The following MRPS9 variants were observed in gnomAD, a reference collection of about 807,000 sequenced individuals.
MRPS9 encodes the protein small ribosomal subunit protein uS9m.
MRPS9 carries 45 observed loss-of-function variants against 59.9 expected under a neutral mutation model. The ratio of observed to expected loss-of-function variants is 0.75; its 90% CI spans 0.59 to 0.96. The LOEUF (loss-of-function observed/expected upper bound fraction) is 0.96. MRPS9 is among the 40% of genes least tolerant of loss of function. MRPS9 has a pLI of 0.00. For missense variants in MRPS9, 473 were observed against 481.1 expected, an observed-to-expected ratio of 0.98 and a Z score of 0.16; for synonymous variants, 171 against 166.8, an observed-to-expected ratio of 1.03 and a Z score of -0.19.
chr2:105,064,663 TTC>T (rs911465385), intron 2 of MRPS9, among the ~76,000 whole-genome samples: 2 of 152,110 alleles, frequency 1.3e-5, no homozygotes, highest in African/African-American at 4.8e-5. Flanking sequence ...AAGAGGCTCG[TTC>T]TCTGTTTGAC....
chr2:105,038,090 A>G lies in MRPS9; in HGVS notation c.-3A>G. On this transcript the variant is annotated 5_prime_UTR_variant, in exon 1 of 11. Transcript: ENST00000258455. The stretch of plus-strand genomic sequence containing the variant: ...CTCCGGTCCTGGAGCTCCCACAGCT[A>G]ACATGGCGGCGCCCTGTGTGTCCTA... 1 of 1,613,586 alleles carries G rather than the reference A, an allele frequency of 6.2e-7. No homozygotes were observed. Among genetic ancestry groups the G allele is most frequent in the Non-Finnish European group, 8.5e-7 (1 of 1,179,930 alleles).
At chr2:105,049,599 TA>T (rs1679672608) in intron 2 of MRPS9, among the ~76,000 whole-genome samples, 1 of 152,220 alleles carries the variant, frequency 6.6e-6, no homozygotes, top group African/African-American at 2.4e-5. Context: ...GGGAAATGTT[TA>T]ACCTGTTGTG....
chr2:105,094,345 C>G (rs1210373611), intron 9 of MRPS9, among the ~76,000 whole-genome samples: 3 of 152,146 alleles, frequency 2.0e-5, no homozygotes, highest in Non-Finnish European at 4.4e-5. Context: ...ATATACTCAT[C>G]TCAGAACTCT....
chr2:105,045,283 A>T (rs1558749738), intron 1 of MRPS9, among the ~76,000 whole-genome samples: 1 of 151,758 alleles, frequency 6.6e-6, no homozygotes, highest in African/African-American at 2.4e-5. Context: ...AAATGAGAGC[A>T]AGCTGTATAT....
At chr2:105,067,570 T>C (rs2104452264) in intron 2 of MRPS9, among the ~76,000 whole-genome samples, 1 of 152,306 alleles carries the variant, frequency 6.6e-6, no homozygotes, top group Non-Finnish European at 1.5e-5. Context: ...TTCCATTCTT[T>C]AGTAACCTTT....
At chr2:105,065,058 G>A (rs1235863968) in intron 2 of MRPS9, among the ~76,000 whole-genome samples, 1 of 152,186 alleles carries the variant, frequency 6.6e-6, no homozygotes, top group Non-Finnish European at 1.5e-5. Flanking sequence ...TCCACTGATA[G>A]AATGAGGTCA....
rs1680752266 is a variant in MRPS9, at chr2:105,099,798, A to G, written c.*37A>G. ...CAGGAAAGGAGAGGAAGAGCTATAT[A>G]TATGTGCCGACATGTGGCAGACACA... On this transcript the variant is annotated 3_prime_UTR_variant, in exon 11 of 11. Coordinates refer to ENST00000258455, the MANE Select transcript of MRPS9 (RefSeq NM_182640.3). 2 of 1,594,916 alleles carry G rather than the reference A, an allele frequency of 1.3e-6. No homozygotes were observed. Among genetic ancestry groups the G allele is most frequent in the Non-Finnish European group, 1.7e-6 (2 of 1,163,256 alleles).
In MRPS9 at chr2:105,099,664, C is replaced by T. The variant is rs1307103725; in HGVS notation, c.1100-6C>T. 2 of 1,613,146 alleles carry T rather than the reference C, an allele frequency of 1.2e-6. No homozygotes were observed. Among genetic ancestry groups the T allele is most frequent in the Middle Eastern group, 1.7e-4 (1 of 6,042 alleles). On this transcript the variant is annotated splice_region_variant and splice_polypyrimidine_tract_variant and intron_variant, in intron 10 of 10. Coordinates refer to ENST00000258455, the MANE Select transcript of MRPS9 (RefSeq NM_182640.3). ...GTTCCTAAAGGCTTCTCTTTTTATGCTGCAGCTGGACTACTTACTACTGAT... is the reference window on the plus strand; with the variant it reads ...GTTCCTAAAGGCTTCTCTTTTTATGTTGCAGCTGGACTACTTACTACTGAT...
chr2:105,038,879 G>A (rs1201680349), intron 1 of MRPS9, among the ~76,000 whole-genome samples: 6 of 152,176 alleles, frequency 3.9e-5, no homozygotes, highest in Non-Finnish European at 8.8e-5. Context: ...ATGGGATTAT[G>A]TTTTTAGGCA....
At chr2:105,069,307 C>G (rs1384802621) in intron 2 of MRPS9, among the ~76,000 whole-genome samples, 1 of 151,498 alleles carries the variant, frequency 6.6e-6, no homozygotes, top group East Asian at 1.9e-4. Flanking sequence ...CTCCGCCTTC[C>G]AGGTTCAAAC....
At chr2:105,052,570 T>C (rs1248235343) in intron 2 of MRPS9, among the ~76,000 whole-genome samples, 2 of 152,184 alleles carry the variant, frequency 1.3e-5, no homozygotes, top group Non-Finnish European at 2.9e-5. Context: ...CTAATTGATA[T>C]TGGTCTGTAG....
At position 105,097,141 on chromosome 2, in the gene MRPS9, G is replaced by T; in HGVS notation, c.930-14G>T. On this transcript the variant is annotated splice_polypyrimidine_tract_variant and intron_variant, in intron 9 of 10. Coordinates refer to ENST00000258455, the MANE Select transcript of MRPS9 (RefSeq NM_182640.3). ...ATAGTAAACGTAACCACATTTACTTGTGCTGTGCTTTAGAGAACAGCTGAT... is the reference window on the plus strand; with the variant it reads ...ATAGTAAACGTAACCACATTTACTTTTGCTGTGCTTTAGAGAACAGCTGAT... 6.6e-7 allele frequency: 1 copy of T among 1,507,154 alleles called. No homozygotes were observed. Among genetic ancestry groups the T allele is most frequent in the Non-Finnish European group, 8.9e-7 (1 of 1,124,868 alleles). The allele number at this position is 1,507,154 out of a possible 1,614,324, so 93.4% of individuals were successfully genotyped here. A position where few individuals can be genotyped will look rare whatever the true frequency, so the allele number is the denominator to read the frequency against.
chr2:105,038,331 T>C (rs1679429692), intron 1 of MRPS9, 104 bp downstream of exon 1: 1 of 1,445,314 alleles, frequency 6.9e-7, no homozygotes, highest in Non-Finnish European at 9.4e-7. Flanking sequence ...AGGCAGGGAC[T>C]CTAGGATCTT....
intron 10 of MRPS9, chr2:105,098,540 TAAC>T (rs1328025497): frequency 6.6e-6 from 1 of 152,240 alleles, no homozygotes; most frequent in Non-Finnish European, 1.5e-5. Flanking sequence ...GCTAGAATCT[TAAC>T]AATTTGATGA....
chr2:105,082,486 T>C (rs1680366863), intron 5 of MRPS9, among the ~76,000 whole-genome samples: 1 of 152,196 alleles, frequency 6.6e-6, no homozygotes, highest in Non-Finnish European at 1.5e-5. Flanking sequence ...GAAGCGTATA[T>C]ATTACGTTAT....
rs59753300 is a variant in MRPS9, at chr2:105,087,800, T to TTTCCTTCCTTCCTTCCTTCCTTCCTTCC, written c.490-1177_490-1150dup. On this transcript the variant is annotated intron_variant, in intron 5 of 10. Transcript: ENST00000258455. ...CCCTCCCTCCCTCCCTCCTGCCTTT[T>TTTCCTTCCTTCCTTCCTTCCTTCCTTCC]TTCCTTCCTTCCTTCCTTCCTTCCT... Among the ~76,000 whole-genome samples the TTTCCTTCCTTCCTTCCTTCCTTCCTTCC allele has an allele frequency of 5.9e-4, 82 of 138,696 alleles. 3 individuals are homozygous for TTTCCTTCCTTCCTTCCTTCCTTCCTTCC. The highest frequency in any genetic ancestry group is 7.4e-4 in the South Asian group (3 of 4,068). 91.0% of individuals were successfully genotyped at this position (138,696 alleles called of 152,430 possible).
chr2:105,071,274 A>G, intron 2 of MRPS9, 39 bp from the exon 3 acceptor site: 2 of 1,544,462 alleles, frequency 1.3e-6, no homozygotes, highest in Non-Finnish European at 1.8e-6. Context: ...AACCTTGTTT[A>G]TATAACAGTT....
chr2:105,092,585 G>A lies in MRPS9; in HGVS notation c.820+16G>A, dbSNP rs1482419257. The A allele has an allele frequency of 2.0e-6, 3 of 1,494,182 alleles. No homozygotes were observed. Among genetic ancestry groups the A allele is most frequent in the Middle Eastern group, 1.8e-4 (1 of 5,656 alleles). The allele number at this position is 1,494,182 out of a possible 1,614,324, so 92.6% of individuals were successfully genotyped here. A position where few individuals can be genotyped will look rare whatever the true frequency, so the allele number is the denominator to read the frequency against. On this transcript the variant is annotated intron_variant, in intron 8 of 10. Transcript: ENST00000258455. ...AAAAGTGAAGGTAATGACATTCTGT[G>A]GAGAGAAAATAAATTCAGTGAAGGT...
At chr2:105,075,879 CAG>C (rs1209503074) in intron 4 of MRPS9, among the ~76,000 whole-genome samples, 1 of 151,786 alleles carries the variant, frequency 6.6e-6, no homozygotes, top group Non-Finnish European at 1.5e-5. Flanking sequence ...TCAAGACAAA[CAG>C]AAACACATCA....
Sources: allele counts gnomAD v4.1 joint callset (sites outside exome capture counted in the v4.1 genomes callset), GRCh38; gene constraint gnomAD v4.1.1; transcripts MANE v1.5; gene names NCBI Gene and HGNC (gene_info 2026-07-23, HGNC 2026-07-21).